ZBTB20: variants seen among roughly 807,000 people sequenced by gnomAD.
The protein encoded by ZBTB20 is zinc finger and BTB domain containing 20.
A neutral mutation model predicts 56.9 loss-of-function variants in ZBTB20; 9 were observed. That is an observed-to-expected ratio of 0.16 (90% confidence interval 0.10 to 0.28). The LOEUF (loss-of-function observed/expected upper bound fraction) is 0.28, where lower values mean the gene tolerates loss of function less well. Ranked by LOEUF, ZBTB20 falls within the 10% of genes least tolerant of loss-of-function variation. The pLI is 1.00. For synonymous variants in ZBTB20, 417 were observed against 420.7 expected, an observed-to-expected ratio of 0.99 and a Z score of 0.11; for missense variants, 655 against 1,003.0, an observed-to-expected ratio of 0.65 and a Z score of 4.69.
intron 4 of ZBTB20, among the ~76,000 whole-genome samples, chr3:114,831,758 C>T (rs1400714184): frequency 1.3e-5 from 2 of 151,884 alleles, no homozygotes; most frequent in African/African-American, 2.4e-5. Context: ...TGACTGGAGA[C>T]CAGAGATGTG....
chr3:114,394,140 G>T (rs1304137605), intron 7 of ZBTB20, among the ~76,000 whole-genome samples: 1 of 152,204 alleles, frequency 6.6e-6, no homozygotes, highest in Admixed American at 6.5e-5. Flanking sequence ...ATCAGGGACT[G>T]CACCAGGCAT....
chr3:114,537,691 G>A (rs1257643539), intron 6 of ZBTB20, among the ~76,000 whole-genome samples: 1 of 152,146 alleles, frequency 6.6e-6, no homozygotes, highest in East Asian at 1.9e-4. Flanking sequence ...GCACATGTAT[G>A]TTTATTGCAG....
rs1425265506 is a variant in ZBTB20 at position 114,320,985 on chromosome 3, A to C, written c.*18020T>G. 6.6e-6 allele frequency: 1 copy of C among 152,174 alleles called. No homozygotes were observed. Among genetic ancestry groups the C allele is most frequent in the East Asian group, 1.9e-4 (1 of 5,198 alleles). 9.4% of individuals were successfully genotyped at this position (152,174 alleles called of 1,614,324 possible). ...TTTCCATAGCCTCACTTCAAGTTCA[A>C]ATGGAAATGAAAACAAAATAAAGTG... is the stretch of plus-strand genomic sequence containing the variant. On this transcript the variant is annotated 3_prime_UTR_variant, in exon 12 of 12. Coordinates refer to ENST00000675478, the MANE Select transcript of ZBTB20 (RefSeq NM_001348800.3).
In ZBTB20 at chr3:114,320,869, G is replaced by T. The variant is rs2078869857; in HGVS notation, c.*18136C>A. On this transcript the variant is annotated 3_prime_UTR_variant, in exon 12 of 12. Transcript: ENST00000675478. ...CAGGGCAACAGATTAAAATGAAAAG[G>T]GGTATAGAAAGATATATTTTAGATA... The T allele has an allele frequency of 6.6e-6, 1 of 152,042 alleles. No individual in the cohort carries two copies. Among genetic ancestry groups the T allele is most frequent in the Non-Finnish European group, 1.5e-5 (1 of 68,030 alleles). 9.4% of individuals were successfully genotyped at this position (152,042 alleles called of 1,614,324 possible).
intron 5 of ZBTB20, among the ~76,000 whole-genome samples, chr3:114,698,385 T>A (rs1271942523): frequency 6.6e-6 from 1 of 152,098 alleles, no homozygotes; most frequent in Non-Finnish European, 1.5e-5. Context: ...TTAAATAATT[T>A]CTTATGTCTA....
intron 7 of ZBTB20, among the ~76,000 whole-genome samples, chr3:114,463,896 T>C (rs1460877973): frequency 6.6e-6 from 1 of 152,206 alleles, no homozygotes; most frequent in Admixed American, 6.5e-5. Context: ...CAGTAAGTCC[T>C]CTAAAATGGA....
intron 4 of ZBTB20, 131 bp from the exon 5 acceptor site, chr3:114,801,305 C>CTTTTT (rs1271102943): frequency 5.4e-5 from 3 of 55,322 alleles, no homozygotes; most frequent in African/African-American, 2.1e-4. Context: ...TTCTTTTTTT[C>CTTTTT]TTTTTTTTTT....
At chr3:115,024,925 T>C (rs1017326728) in intron 2 of ZBTB20, among the ~76,000 whole-genome samples, 2 of 151,190 alleles carry the variant, frequency 1.3e-5, no homozygotes, top group Non-Finnish European at 1.5e-5. Flanking sequence ...TTTAAAATTA[T>C]AAAATTTGCC....
intron 7 of ZBTB20, among the ~76,000 whole-genome samples, chr3:114,425,589 T>G (rs1284564764): frequency 6.6e-6 from 1 of 152,194 alleles, no homozygotes; most frequent in East Asian, 1.9e-4. Context: ...ATATTACCTT[T>G]TGTAACTCTT....
intron 6 of ZBTB20, among the ~76,000 whole-genome samples, chr3:114,526,970 CT>C (rs1374271126): frequency 6.6e-6 from 1 of 152,052 alleles, no homozygotes; most frequent in Non-Finnish European, 1.5e-5. Flanking sequence ...GACTTACTTT[CT>C]TTTTTCAAAT....
chr3:114,664,425 A>G (rs1203987930), intron 6 of ZBTB20, among the ~76,000 whole-genome samples: 2 of 152,172 alleles, frequency 1.3e-5, no homozygotes, highest in Non-Finnish European at 2.9e-5. Context: ...TGGAGTTTAG[A>G]AACAAAAGTA....
intron 5 of ZBTB20, among the ~76,000 whole-genome samples, chr3:114,702,550 G>A (rs1488769457): frequency 6.6e-6 from 1 of 151,970 alleles, no homozygotes; most frequent in Non-Finnish European, 1.5e-5. Context: ...GTTACACCAG[G>A]AGAAAAGGAA....
intron 4 of ZBTB20, among the ~76,000 whole-genome samples, chr3:114,829,661 A>G (rs1356036406): frequency 1.3e-5 from 2 of 151,888 alleles, no homozygotes; most frequent in African/African-American, 4.8e-5. Context: ...GATTCTAGGT[A>G]GAAGTTACAC....
At chr3:114,460,292 GC>G (rs948972067) in intron 7 of ZBTB20, among the ~76,000 whole-genome samples, 1 of 151,410 alleles carries the variant, frequency 6.6e-6, no homozygotes, top group African/African-American at 2.4e-5. Flanking sequence ...CTGAGGAATG[GC>G]CCCCCCCAAA....
At chr3:114,781,827 T>C (rs1486812275) in intron 5 of ZBTB20, among the ~76,000 whole-genome samples, 2 of 152,028 alleles carry the variant, frequency 1.3e-5, no homozygotes, top group Admixed American at 6.6e-5. Context: ...TTATAAGGGG[T>C]TTCCCCTTTC....
chr3:114,826,958 T>C (rs2073560944), intron 4 of ZBTB20, among the ~76,000 whole-genome samples: 1 of 151,690 alleles, frequency 6.6e-6, no homozygotes, highest in South Asian at 2.1e-4. Flanking sequence ...CCTGATGCTA[T>C]ATTTGTGTCA....
intron 7 of ZBTB20, chr3:114,454,794 C>T (rs1391399068): frequency 6.6e-6 from 1 of 152,208 alleles, no homozygotes; most frequent in African/African-American, 2.4e-5. Flanking sequence ...CTCCTCCTCT[C>T]TCCTGTCTGT....
At chr3:114,931,380 A>G in intron 3 of ZBTB20, 1 of 243,276 alleles carries the variant, frequency 4.1e-6, no homozygotes, top group Non-Finnish European at 8.2e-6. Flanking sequence ...ACCCTAAACC[A>G]CAACATGGCA....
At chr3:115,093,159 T>TATTG (rs778372174) in intron 1 of ZBTB20, among the ~76,000 whole-genome samples, 16 of 152,170 alleles carry the variant, frequency 1.1e-4, no homozygotes, top group Non-Finnish European at 1.8e-4. Flanking sequence ...TCCTTTTTGA[T>TATTG]ATTGATTAAT....
Sources: allele counts gnomAD v4.1 joint callset (sites outside exome capture counted in the v4.1 genomes callset), GRCh38; gene constraint gnomAD v4.1.1; transcripts MANE v1.5; gene names NCBI Gene and HGNC (gene_info 2026-07-23, HGNC 2026-07-21).